The following COG7 variants were observed in gnomAD, a reference collection of about 807,000 sequenced individuals.
The protein encoded by COG7 is component of oligomeric golgi complex 7.
A neutral mutation model predicts 91.5 loss-of-function variants in COG7; 49 were observed. That is an observed-to-expected ratio of 0.54 (90% CI 0.43 to 0.68). The LOEUF (loss-of-function observed/expected upper bound fraction) is 0.68. COG7 is among the 30% of genes least tolerant of loss of function. The probability of loss-of-function intolerance (pLI) is 0.00; values close to 1 mark genes in which losing one functional copy is unlikely to be tolerated. For synonymous variants in COG7, 365 were observed against 388.7 expected, an observed-to-expected ratio of 0.94 and a Z score of 0.72; for missense variants, 895 against 961.3, an observed-to-expected ratio of 0.93 and a Z score of 0.91.
intron 4 of COG7, among the ~76,000 whole-genome samples, chr16:23,438,077 C>A (rs1439626801): frequency 1.5e-5 from 2 of 137,680 alleles, no homozygotes; most frequent in Admixed American, 7.3e-5. Flanking sequence ...GAGCAAGACT[C>A]CATCTCAAAA....
At chr16:23,392,000 C>A (rs1367011982) in intron 16 of COG7, 1 of 1,186,078 alleles carries the variant, frequency 8.4e-7, no homozygotes, top group African/African-American at 1.6e-5. Context: ...ACGATGGGTG[C>A]GAGTGCTTGG....
rs139833665 is a variant in COG7 at position 23,388,911 on chromosome 16, G to T, written c.*9C>A. The T allele has an allele frequency of 1.5e-3, 2,490 of 1,613,938 alleles. 33 individuals are homozygous for T. In the African/African-American group the frequency reaches 0.029, roughly 19 times the overall value. ...CCTGGCTCTCTTGGTGGTCCGGTGT[G>T]TGGTGGGGTCAGTAATTCACACTCC... On this transcript the variant is annotated 3_prime_UTR_variant, in exon 17 of 17. Transcript: ENST00000307149.
In COG7 at chr16:23,430,547, G is replaced by GT. The variant is rs879312340; in HGVS notation, c.810+2997dup. On this transcript the variant is annotated intron_variant, in intron 6 of 16. Coordinates refer to ENST00000307149, the MANE Select transcript of COG7 (RefSeq NM_153603.4). ...GTGAATGAAGTTTGCAACTTACTCT[G>GT]TTTTTTTTTTTTGAGATGGATTCTC... is the stretch of plus-strand genomic sequence containing the variant. Among the ~76,000 whole-genome samples the GT allele has an allele frequency of 3.1e-3, 446 of 144,968 alleles. 1 individual carries two copies. The highest frequency in any genetic ancestry group is 7.1e-3 in the Middle Eastern group (2 of 280).
Position 23,395,240 on chromosome 16 carries a change from T to G in COG7, c.1888-1893A>C, listed in dbSNP as rs192550033. ...ACTAATAACAACAGCTACTGTAAAT[T>G]TCAGCTTGAAGTGTTAACAAATTCA... On this transcript the variant is annotated intron_variant, in intron 14 of 16. Coordinates refer to ENST00000307149, the MANE Select transcript of COG7 (RefSeq NM_153603.4). Among the ~76,000 whole-genome samples the G allele has an allele frequency of 1.9e-3, 289 of 152,300 alleles. 3 individuals carry two copies. The highest frequency in any genetic ancestry group is 6.9e-3 in the African/African-American group (285 of 41,554).
chr16:23,417,499 G>A (rs1435070592), intron 8 of COG7, among the ~76,000 whole-genome samples: 1 of 152,230 alleles, frequency 6.6e-6, no homozygotes, highest in Non-Finnish European at 1.5e-5. Context: ...GGGTGCAGTG[G>A]CTCAAGCCTG....
In COG7 at chr16:23,408,628, G is replaced by A. The variant is rs563680520; in HGVS notation, c.1475+1667C>T. The stretch of plus-strand genomic sequence containing the variant: ...GGGGAAAGGCTCACAGCAGGATAGA[G>A]TGGGAGCAGCTGCTGCTGTTCCTAA... On this transcript the variant is annotated intron_variant, in intron 11 of 16. Transcript: ENST00000307149. Among the ~76,000 whole-genome samples, 3 of 152,140 alleles carry A rather than the reference G, an allele frequency of 2.0e-5. No individual in the cohort carries two copies. The South Asian group carries it at 6.2e-4, about 32-fold the overall frequency.
chr16:23,430,547 G>GTT (rs879312340), intron 6 of COG7, among the ~76,000 whole-genome samples: 3 of 145,174 alleles, frequency 2.1e-5, no homozygotes, highest in East Asian at 2.0e-4. Flanking sequence ...AACTTACTCT[G>GTT]TTTTTTTTTT....
chr16:23,398,818 G>C (rs1963326615), intron 13 of COG7, among the ~76,000 whole-genome samples: 1 of 152,208 alleles, frequency 6.6e-6, no homozygotes, highest in Non-Finnish European at 1.5e-5. Flanking sequence ...CCTGTGCGAG[G>C]AGAACCTCAG....
chr16:23,413,408 C>G lies in COG7; in HGVS notation c.1409+40G>C, dbSNP rs754045037. 21 of 1,016,358 alleles carry G rather than the reference C, an allele frequency of 2.1e-5. 1 individual carries two copies. The South Asian group carries it at 2.1e-4, about 10-fold the overall frequency. 63.0% of individuals were successfully genotyped at this position (1,016,358 alleles called of 1,614,324 possible). A position where few individuals can be genotyped will look rare whatever the true frequency, so the allele number is the denominator to read the frequency against. ...ACTATATCATGCATGTTTATGCTGGCTACATTAGGAACAAGCTTGAATTAC... is the reference window on the plus strand; with the variant it reads ...ACTATATCATGCATGTTTATGCTGGGTACATTAGGAACAAGCTTGAATTAC... On this transcript the variant is annotated intron_variant, in intron 10 of 16. Coordinates refer to ENST00000307149, the MANE Select transcript of COG7 (RefSeq NM_153603.4).
At chr16:23,417,254 T>G (rs936683231) in intron 8 of COG7, 133 bp from the exon 9 acceptor site, 134 of 905,936 alleles carry the variant, frequency 1.5e-4, no homozygotes, top group Non-Finnish European at 2.2e-4. Flanking sequence ...TCCCAACGTT[T>G]GAATGCTTCT....
chr16:23,445,995 A>G (rs757968760), intron 1 of COG7, 34 bp from the exon 2 acceptor site: 13 of 1,599,672 alleles, frequency 8.1e-6, no homozygotes, highest in East Asian at 4.5e-5. Flanking sequence ...AACAACAACA[A>G]CAGCGATAGC....
At chr16:23,447,258 C>T (rs1054961085) in intron 1 of COG7, 6 of 152,118 alleles carry the variant, frequency 3.9e-5, no homozygotes, top group Non-Finnish European at 5.9e-5. Flanking sequence ...GTCACCCAGA[C>T]TGGAGTGCAG....
chr16:23,425,646 T>C (rs535105730), intron 6 of COG7, among the ~76,000 whole-genome samples: 1 of 152,256 alleles, frequency 6.6e-6, no homozygotes, highest in East Asian at 1.9e-4. Flanking sequence ...TTTAAAGAAG[T>C]ATAACTTTTA....
intron 6 of COG7, among the ~76,000 whole-genome samples, chr16:23,429,738 T>G (rs1168140725): frequency 2.0e-5 from 3 of 151,798 alleles, no homozygotes; most frequent in Admixed American, 2.0e-4. Context: ...TACTCCAGCC[T>G]CGGCAACAAC....
intron 16 of COG7, chr16:23,391,766 A>C (rs1375961471): frequency 6.0e-6 from 1 of 166,492 alleles, no homozygotes; most frequent in Non-Finnish European, 1.3e-5. Flanking sequence ...CAGTAGCCCC[A>C]TGCTCAGAGT....
chr16:23,448,202 G>A (rs1037755802), intron 1 of COG7, among the ~76,000 whole-genome samples: 3 of 152,262 alleles, frequency 2.0e-5, no homozygotes, highest in Admixed American at 1.3e-4. Flanking sequence ...TACTGCCTAA[G>A]GGATAAAAGC....
At chr16:23,436,634 C>A (rs996927531) in intron 4 of COG7, among the ~76,000 whole-genome samples, 1 of 152,018 alleles carries the variant, frequency 6.6e-6, no homozygotes, top group African/African-American at 2.4e-5. Flanking sequence ...ACTCCAGAAG[C>A]TGAGGCGCTT....
intron 7 of COG7, among the ~76,000 whole-genome samples, chr16:23,421,947 C>T (rs750656456): frequency 4.0e-5 from 6 of 151,522 alleles, no homozygotes; most frequent in Non-Finnish European, 8.8e-5. Flanking sequence ...AAGGAATAAT[C>T]GGAGCTAGGC....
intron 14 of COG7, among the ~76,000 whole-genome samples, chr16:23,396,773 G>A (rs1192845573): frequency 6.6e-6 from 1 of 152,184 alleles, no homozygotes; most frequent in Non-Finnish European, 1.5e-5. Flanking sequence ...GGTATCAGGT[G>A]CCCTGGGAAA....
Sources: allele counts gnomAD v4.1 joint callset (sites outside exome capture counted in the v4.1 genomes callset), GRCh38; gene constraint gnomAD v4.1.1; transcripts MANE v1.5; gene names NCBI Gene and HGNC (gene_info 2026-07-23, HGNC 2026-07-21).